SPAG16: variants seen among roughly 807,000 people sequenced by gnomAD.
SPAG16 encodes sperm-associated antigen 16 protein.
SPAG16 carries 86 observed loss-of-function variants against 80.4 expected under a neutral mutation model. That is an observed-to-expected ratio of 1.07 (90% CI 0.90 to 1.28). The LOEUF (loss-of-function observed/expected upper bound fraction) is 1.28. SPAG16 is among the 50% of genes most tolerant of loss of function. The pLI, the probability that SPAG16 is intolerant of heterozygous loss-of-function variation, is 0.00. For missense variants in SPAG16, 870 were observed against 765.3 expected, an observed-to-expected ratio of 1.14 and a Z score of -1.61; for synonymous variants, 294 against 265.9, an observed-to-expected ratio of 1.11 and a Z score of -1.03.
Position 213,930,114 on chromosome 2 carries a change from G to A in SPAG16, c.1369G>A (p.Asp457Asn), listed in dbSNP as rs2078682866. Residue 457 changes from aspartate (D) to asparagine (N), a missense_variant, in exon 12 of 16, where the codon GAT (aspartate) becomes AAT (asparagine). Coordinates refer to ENST00000331683, the MANE Select transcript of SPAG16 (RefSeq NM_024532.5). Reference protein sequence around the residue: ...CGNFVASSSLDKTSKIWDVNS... With the variant: ...CGNFVASSSLNKTSKIWDVNS... The stretch of plus-strand genomic sequence containing the variant: ...CAATTTTGTGGCTTCCTCCTCACTG[G>A]ATAAAACTAGCAAAATTTGGGATGT... 2.5e-6 allele frequency: 4 copies of A among 1,613,366 alleles called. No individual in the cohort carries two copies. The highest frequency in any genetic ancestry group is 1.3e-5 in the African/African-American group (1 of 74,854).
At chr2:213,499,499 T>C (rs1314726968) in intron 10 of SPAG16, among the ~76,000 whole-genome samples, 1 of 152,186 alleles carries the variant, frequency 6.6e-6, no homozygotes, top group Non-Finnish European at 1.5e-5. Flanking sequence ...TAAGTTATTA[T>C]GAGTGCCTAT....
intron 15 of SPAG16, among the ~76,000 whole-genome samples, chr2:214,279,984 T>C: frequency 6.6e-6 from 1 of 152,220 alleles, no homozygotes; most frequent in East Asian, 1.9e-4. Context: ...AAGCAGTTCT[T>C]AGGAATTTAC....
intron 13 of SPAG16, among the ~76,000 whole-genome samples, chr2:214,070,696 TAA>T (rs1258187136): frequency 6.6e-6 from 1 of 152,066 alleles, no homozygotes; most frequent in Non-Finnish European, 1.5e-5. Flanking sequence ...CTGATGTAAT[TAA>T]GTCTATATTA....
intron 12 of SPAG16, among the ~76,000 whole-genome samples, chr2:213,959,569 C>G (rs1321647825): frequency 6.6e-6 from 1 of 152,126 alleles, no homozygotes; most frequent in Non-Finnish European, 1.5e-5. Flanking sequence ...GTTTTCTAAG[C>G]TAGAAAATCT....
chr2:213,803,553 G>A (rs2071549030), intron 10 of SPAG16, among the ~76,000 whole-genome samples: 1 of 151,954 alleles, frequency 6.6e-6, no homozygotes, highest in Non-Finnish European at 1.5e-5. Flanking sequence ...AGAAAAAAAC[G>A]TTTGAAAAAA....
In SPAG16 at chr2:214,368,189, G is replaced by T. The variant is rs139770913; in HGVS notation, c.1721-41951G>T. Among the ~76,000 whole-genome samples, 677 of 151,914 alleles carry T rather than the reference G, an allele frequency of 4.5e-3. 6 individuals are homozygous for T. The Middle Eastern group carries it at 0.075, about 17-fold the overall frequency. On this transcript the variant is annotated intron_variant, in intron 15 of 15. Coordinates refer to ENST00000331683, the MANE Select transcript of SPAG16 (RefSeq NM_024532.5). ...TTTTGAAATCACTTTTTTCATCATC[G>T]CACTAGTTATATGTTTCTTTCCTAA... is the stretch of plus-strand genomic sequence containing the variant.
chr2:213,468,751 CAT>C (rs911970820), intron 9 of SPAG16, among the ~76,000 whole-genome samples: 9 of 146,942 alleles, frequency 6.1e-5, no homozygotes, highest in African/African-American at 1.5e-4. Flanking sequence ...ACATATATAT[CAT>C]ATATATATAT....
intron 10 of SPAG16, among the ~76,000 whole-genome samples, chr2:213,831,914 G>A (rs904752178): frequency 2.6e-5 from 4 of 152,150 alleles, no homozygotes; most frequent in South Asian, 4.1e-4. Context: ...AAGAGAAAAC[G>A]CAGTCTTGCT....
chr2:213,416,553 C>T (rs73986834), intron 9 of SPAG16, among the ~76,000 whole-genome samples: 43,337 of 150,462 alleles, frequency 0.29, 6,633 homozygotes, highest in African/African-American at 0.34. Flanking sequence ...CTTGTTTTTT[C>T]TTTTTTTGTT....
At chr2:213,348,872 T>G (rs1177705150) in intron 6 of SPAG16, among the ~76,000 whole-genome samples, 3 of 152,222 alleles carry the variant, frequency 2.0e-5, no homozygotes, top group South Asian at 4.1e-4. Flanking sequence ...TTGCTCTTCT[T>G]GAGGAGTATC....
intron 15 of SPAG16, chr2:214,239,641 C>T (rs1689326191): frequency 1.3e-5 from 2 of 151,972 alleles, no homozygotes; most frequent in African/African-American, 4.8e-5. Context: ...TGCAGCCTAC[C>T]ATGCCAAACA....
intron 11 of SPAG16, among the ~76,000 whole-genome samples, chr2:213,909,569 G>T (rs565208550): frequency 6.6e-6 from 1 of 151,730 alleles, no homozygotes; most frequent in Admixed American, 6.6e-5. Context: ...CAGAAATAAC[G>T]CCGCATATCT....
chr2:214,269,619 T>C (rs1310445528), intron 15 of SPAG16, among the ~76,000 whole-genome samples: 2 of 152,124 alleles, frequency 1.3e-5, no homozygotes, highest in Non-Finnish European at 2.9e-5. Flanking sequence ...AACTACAAAT[T>C]GTAATGCCAT....
intron 10 of SPAG16, among the ~76,000 whole-genome samples, chr2:213,598,422 G>A (rs1332436583): frequency 6.6e-6 from 1 of 152,148 alleles, no homozygotes; most frequent in East Asian, 1.9e-4. Flanking sequence ...AATGTGTCAA[G>A]CAATGTGTTA....
intron 10 of SPAG16, among the ~76,000 whole-genome samples, chr2:213,601,409 A>C (rs77381062): frequency 0.039 from 5,903 of 152,208 alleles, 362 homozygotes; most frequent in African/African-American, 0.13. Context: ...CATTGTGTAC[A>C]TGCATGTATA....
intron 15 of SPAG16, among the ~76,000 whole-genome samples, chr2:214,291,349 A>C (rs2125931155): frequency 9.5e-6 from 1 of 105,098 alleles, no homozygotes; most frequent in Non-Finnish European, 1.7e-5. Flanking sequence ...TCTGTCGCCC[A>C]GGCTGGAGTG....
intron 9 of SPAG16, among the ~76,000 whole-genome samples, chr2:213,470,348 G>A (rs2073010316): frequency 6.6e-6 from 1 of 152,176 alleles, no homozygotes; most frequent in Non-Finnish European, 1.5e-5. Flanking sequence ...GCAATGCTGT[G>A]TGGAATAACA....
chr2:214,225,812 A>G (rs2058685958), intron 15 of SPAG16, among the ~76,000 whole-genome samples: 1 of 152,130 alleles, frequency 6.6e-6, no homozygotes, highest in Admixed American at 6.6e-5. Flanking sequence ...TTTCCTTCTA[A>G]TCATTTAAAC....
chr2:213,476,662 C>T (rs4672680), intron 9 of SPAG16, among the ~76,000 whole-genome samples: 4,457 of 152,234 alleles, frequency 0.029, 92 homozygotes, highest in Admixed American at 0.049. Flanking sequence ...CATTTTTGCT[C>T]GCATAGTTTG....
Sources: allele counts gnomAD v4.1 joint callset (sites outside exome capture counted in the v4.1 genomes callset), GRCh38; gene constraint gnomAD v4.1.1; transcripts MANE v1.5; gene names NCBI Gene and HGNC (gene_info 2026-07-23, HGNC 2026-07-21).